PPP2R3A: variants seen among roughly 807,000 people sequenced by gnomAD.
PPP2R3A encodes protein phosphatase 2 regulatory subunit B''alpha.
In PPP2R3A, 80 loss-of-function variants were observed where a neutral mutation model predicts 106.9. The observed-to-expected ratio is 0.75, with a 90% confidence interval of 0.62 to 0.90. The LOEUF (loss-of-function observed/expected upper bound fraction) is 0.90, where lower values mean the gene tolerates loss of function less well. Among genes scored for constraint, PPP2R3A ranks in the 40% least tolerant of loss-of-function variants. The pLI is 0.00. For missense variants in PPP2R3A, 1,386 were observed against 1,350.4 expected, an observed-to-expected ratio of 1.03 and a Z score of -0.41; for synonymous variants, 483 against 468.3, an observed-to-expected ratio of 1.03 and a Z score of -0.41.
chr3:136,021,334 T>A (rs1934456578), intron 2 of PPP2R3A, among the ~76,000 whole-genome samples: 1 of 151,924 alleles, frequency 6.6e-6, no homozygotes, highest in Admixed American at 6.6e-5. Flanking sequence ...AGACCAGTGG[T>A]TTTCAGTTGT....
At chr3:136,074,113 G>C (rs1420233489) in intron 6 of PPP2R3A, among the ~76,000 whole-genome samples, 2 of 152,294 alleles carry the variant, frequency 1.3e-5, no homozygotes, top group East Asian at 3.9e-4. Context: ...TAATATGTTT[G>C]CATGCTAGTG....
At chr3:136,110,983 A>G (rs1937583163) in intron 13 of PPP2R3A, among the ~76,000 whole-genome samples, 1 of 152,186 alleles carries the variant, frequency 6.6e-6, no homozygotes, top group Non-Finnish European at 1.5e-5. Flanking sequence ...ATAACTACAA[A>G]CCTAAAATTC....
At chr3:135,985,866 C>T (rs1003235529) in intron 1 of PPP2R3A, among the ~76,000 whole-genome samples, 13 of 152,048 alleles carry the variant, frequency 8.5e-5, no homozygotes, top group African/African-American at 3.1e-4. Flanking sequence ...AGACTTATGA[C>T]AGAAATAGTG....
intron 2 of PPP2R3A, among the ~76,000 whole-genome samples, chr3:136,017,095 C>T (rs1180081824): frequency 1.3e-5 from 2 of 152,140 alleles, no homozygotes; most frequent in East Asian, 1.9e-4. Context: ...TAGTTGGATA[C>T]AAAATTCTTG....
intron 13 of PPP2R3A, among the ~76,000 whole-genome samples, chr3:136,143,153 G>C (rs1938945927): frequency 6.6e-6 from 1 of 152,192 alleles, no homozygotes; most frequent in South Asian, 2.1e-4. Context: ...TTTCTATCAA[G>C]TAAGCTTTTT....
chr3:136,106,896 G>A (rs1237120648), intron 13 of PPP2R3A: 1 of 126,038 alleles, frequency 7.9e-6, no homozygotes, highest in Non-Finnish European at 1.6e-5. Context: ...TTGCACTCCA[G>A]CTTGGGCAAC....
intron 3 of PPP2R3A, among the ~76,000 whole-genome samples, chr3:136,037,260 A>G (rs1301877964): frequency 6.6e-6 from 1 of 152,252 alleles, no homozygotes; most frequent in African/African-American, 2.4e-5. Context: ...ACAGCCCTGA[A>G]GAACTTAATG....
At chr3:136,091,497 G>C (rs921667621) in intron 10 of PPP2R3A, among the ~76,000 whole-genome samples, 3 of 152,104 alleles carry the variant, frequency 2.0e-5, no homozygotes, top group Non-Finnish European at 2.9e-5. Flanking sequence ...CACACCTGTA[G>C]TCCTAGCTAC....
At chr3:136,019,351 A>G (rs1934384111) in intron 2 of PPP2R3A, among the ~76,000 whole-genome samples, 1 of 152,116 alleles carries the variant, frequency 6.6e-6, no homozygotes, top group Non-Finnish European at 1.5e-5. Context: ...TTTATAACCT[A>G]TGTGTTTATG....
chr3:135,972,067 A>G (rs774488724), intron 1 of PPP2R3A, among the ~76,000 whole-genome samples: 1 of 152,152 alleles, frequency 6.6e-6, no homozygotes, highest in Non-Finnish European at 1.5e-5. Flanking sequence ...ATCACCGCTA[A>G]TTCTGGAACA....
Position 136,010,881 on chromosome 3 carries a change from A to G in PPP2R3A, c.1995+7388A>G, listed in dbSNP as rs1283924426. Among the ~76,000 whole-genome samples the G allele has an allele frequency of 3.3e-5, 5 of 152,272 alleles. 1 individual carries two copies. The highest frequency in any genetic ancestry group is 3.3e-4 in the Admixed American group (5 of 15,296). ...GCTCAATCACTCCTTCAGCAGATAAACATGCTACAATTCTCCCAGCTTTAA... is the reference window on the plus strand; with the variant it reads ...GCTCAATCACTCCTTCAGCAGATAAGCATGCTACAATTCTCCCAGCTTTAA... On this transcript the variant is annotated intron_variant, in intron 2 of 13. Coordinates refer to ENST00000264977, the MANE Select transcript of PPP2R3A (RefSeq NM_002718.5).
chr3:136,068,263 T>C (rs2107902907), intron 5 of PPP2R3A, among the ~76,000 whole-genome samples: 1 of 152,230 alleles, frequency 6.6e-6, no homozygotes, highest in South Asian at 2.1e-4. Context: ...GAGCTCCTAA[T>C]GGCCAAAGCT....
chr3:136,077,781 A>G (rs1936644942), intron 6 of PPP2R3A, among the ~76,000 whole-genome samples: 1 of 152,128 alleles, frequency 6.6e-6, no homozygotes, highest in African/African-American at 2.4e-5. Flanking sequence ...CAGAGTTGCA[A>G]TTCTGCTAAA....
chr3:136,119,150 G>A (rs1937895710), intron 13 of PPP2R3A, among the ~76,000 whole-genome samples: 1 of 152,174 alleles, frequency 6.6e-6, no homozygotes, highest in Non-Finnish European at 1.5e-5. Context: ...AATGGTGTTG[G>A]GAAAACTGGC....
chr3:136,120,720 A>T lies in PPP2R3A; in HGVS notation c.3329+14398A>T, dbSNP rs573035896. Among the ~76,000 whole-genome samples the T allele has an allele frequency of 5.3e-5, 8 of 152,278 alleles. No individual in the cohort carries two copies. The East Asian group carries it at 1.5e-3, about 29-fold the overall frequency. On this transcript the variant is annotated intron_variant, in intron 13 of 13. Transcript: ENST00000264977. ...AATATTCAGCATCTATAAGGAACTT[A>T]AAAAAATCAACAAGGGAAAAACAGC...
At position 136,004,838 on chromosome 3, in the gene PPP2R3A, A is replaced by G. The variant is rs1576427689; in HGVS notation, c.1995+1345A>G. 3.9e-5 allele frequency among the ~76,000 whole-genome samples: 6 copies of G among 152,246 alleles called. 1 individual carries two copies. In the Middle Eastern group the frequency reaches 0.017, roughly 432 times the overall value. On this transcript the variant is annotated intron_variant, in intron 2 of 13. Coordinates refer to ENST00000264977, the MANE Select transcript of PPP2R3A (RefSeq NM_002718.5). ...GTAGTAGATCTGTAAGTATTTTGTC[A>G]TGTTATTCTTTGTGCTTTTTTATAT... is the stretch of plus-strand genomic sequence containing the variant.
intron 4 of PPP2R3A, among the ~76,000 whole-genome samples, chr3:136,045,241 G>A (rs760886150): frequency 2.0e-4 from 30 of 152,288 alleles, no homozygotes; most frequent in Non-Finnish European, 3.1e-4. Flanking sequence ...CCAGTGGAGC[G>A]CTTTTACTGG....
chr3:136,070,608 C>T (rs1936401275), intron 6 of PPP2R3A, 56 bp downstream of exon 6: 1 of 1,403,208 alleles, frequency 7.1e-7, no homozygotes, highest in East Asian at 2.5e-5. Flanking sequence ...TTTTTATTAC[C>T]ATCTGCTATC....
At chr3:136,065,999 G>A (rs1936254188) in intron 5 of PPP2R3A, among the ~76,000 whole-genome samples, 1 of 152,134 alleles carries the variant, frequency 6.6e-6, no homozygotes, top group Non-Finnish European at 1.5e-5. Flanking sequence ...ATCAGAAAAG[G>A]CTACTTTGCA....
Sources: allele counts gnomAD v4.1 joint callset (sites outside exome capture counted in the v4.1 genomes callset), GRCh38; gene constraint gnomAD v4.1.1; transcripts MANE v1.5; gene names NCBI Gene and HGNC (gene_info 2026-07-23, HGNC 2026-07-21).